RNF213: variants seen among roughly 807,000 people sequenced by gnomAD.
The protein encoded by RNF213 is E3 ubiquitin-protein ligase RNF213.
RNF213 carries 341 observed loss-of-function variants against 514.4 expected under a neutral mutation model. The observed-to-expected ratio is 0.66, with a 90% confidence interval of 0.61 to 0.73. The LOEUF (loss-of-function observed/expected upper bound fraction) is 0.73. Ranked by LOEUF, RNF213 falls within the 30% of genes least tolerant of loss-of-function variation. The probability of loss-of-function intolerance (pLI) is 0.00; values close to 1 mark genes in which losing one functional copy is unlikely to be tolerated. For synonymous variants in RNF213, 2,655 were observed against 2,658.2 expected (o/e 1.00, Z 0.04); for missense variants, 5,767 against 6,615.6 (o/e 0.87, Z 4.45).
chr17:80,365,082 C>A, intron 42 of RNF213: 1 of 189,640 alleles, frequency 5.3e-6, no homozygotes, highest in Admixed American at 5.3e-5. Flanking sequence ...ACCTGTGACC[C>A]TACAGTGATG....
At chr17:80,290,460 T>C (rs1332060779) in intron 6 of RNF213, 110 bp from the exon 7 acceptor site, 10 of 1,315,876 alleles carry the variant, frequency 7.6e-6, no homozygotes, top group East Asian at 2.3e-5. Flanking sequence ...TGCGAGTGCA[T>C]GTGTGTGTGC....
At chr17:80,364,748 C>T in intron 42 of RNF213, 195 bp downstream of exon 42, 1 of 634,636 alleles carries the variant, frequency 1.6e-6, no homozygotes, top group Non-Finnish European at 2.7e-6. Flanking sequence ...TTACCCTCTG[C>T]TGATTGCTAA....
In RNF213 at chr17:80,279,038, C is replaced by T. The variant is rs1043910561; in HGVS notation, c.261+5634C>T. ...GTCGAGGAAGGCTGCCCAGGATGGG[C>T]GTTTTCGGGTCACCCTTGGGCTGTG... is the stretch of plus-strand genomic sequence containing the variant. On this transcript the variant is annotated intron_variant, in intron 3 of 67. Coordinates refer to ENST00000582970, the MANE Select transcript of RNF213 (RefSeq NM_001256071.3). 71 of 1,241,468 alleles carry T rather than the reference C, an allele frequency of 5.7e-5. No individual in the cohort carries two copies. In the African/African-American group the frequency reaches 7.0e-4, roughly 12 times the overall value. The allele number at this position is 1,241,468 out of a possible 1,614,324, so 76.9% of individuals were successfully genotyped here.
rs1261786365 is a variant in RNF213 at position 80,363,710 on chromosome 17, C to T, written c.11670C>T (p.Ser3890=). 1.9e-6 allele frequency: 3 copies of T among 1,613,910 alleles called. No homozygotes were observed. The highest frequency in any genetic ancestry group is 1.7e-5 in the Admixed American group (1 of 60,022). Residue 3890 remains serine (S), a synonymous_variant, in exon 41 of 68, where the codon TCC becomes TCT. Transcript: ENST00000582970. ...GGCTACAGTTGGTGAAGAATCTTTC[C>T]ATGCCGCTGGAGCTCATCTGCTCCG... ...QAWLQLVKNL[S]MPLELICSDE...
Position 80,319,252 on chromosome 17 carries a change from G to C in RNF213, c.2964G>C (p.Glu988Asp). The stretch of plus-strand genomic sequence containing the variant: ...GTTGCTGGGACACCAAAGGCTTAGA[G>C]GACAGTGTGGCCAAGACCTTCGAGA... ...CNSCWDTKGLEDSVAKTFEKC... is the reference protein window; with the variant it reads ...CNSCWDTKGLDDSVAKTFEKC... The change falls in exon 17 of 68, where the codon GAG (glutamate) becomes GAC (aspartate). Residue 988 changes from glutamate (E) to aspartate (D), a missense_variant. Transcript: ENST00000582970. 6.2e-7 allele frequency: 1 copy of C among 1,614,190 alleles called. No homozygotes were observed. Among genetic ancestry groups the C allele is most frequent in the Admixed American group, 1.7e-5 (1 of 60,024 alleles).
Position 80,385,588 on chromosome 17 carries a change from T to G in RNF213, c.14506T>G (p.Trp4836Gly). 1 of 1,614,188 alleles carries G rather than the reference T, an allele frequency of 6.2e-7. No homozygotes were observed. Among genetic ancestry groups the G allele is most frequent in the East Asian group, 2.2e-5 (1 of 44,882 alleles). ...HNRITVFLST[W>G]NKLRRSLETN... ...CAGGATCACAGTCTTTCTGTCCACA[T>G]GGAACAAACTGAGGAGATCGCTTGA... The change falls in exon 61 of 68, where the codon TGG (tryptophan) becomes GGG (glycine). Residue 4836 changes from tryptophan to glycine, a missense_variant. Around this residue, in one of 13 missense-constraint regions of RNF213, gnomAD observed 1,245 missense variants for 1,339.0 expected, o/e 0.93. Transcript: ENST00000582970.
chr17:80,374,621 C>A, intron 50 of RNF213, 32 bp downstream of exon 50: 1 of 1,612,912 alleles, frequency 6.2e-7, no homozygotes, highest in Non-Finnish European at 8.5e-7. Context: ...TCTCTGATAC[C>A]AGGTGGCATC....
Position 80,339,875 on chromosome 17 carries a change from C to T in RNF213, c.5508C>T (p.Gly1836=). 1.3e-6 allele frequency: 2 copies of T among 1,537,038 alleles called. No homozygotes were observed. Among genetic ancestry groups the T allele is most frequent in the Non-Finnish European group, 1.7e-6 (2 of 1,146,884 alleles). ...QVGQPNLVVC[G]HSEVLPAALA... ...GCCAGCCCAACCTCGTCGTCTGTGG[C>T]CACTCCGAGGTGTTGCCAGCCGCCC... is the stretch of plus-strand genomic sequence containing the variant. Residue 1836 remains glycine, a synonymous_variant, in exon 26 of 68, where the codon GGC becomes GGT. Coordinates refer to ENST00000582970, the MANE Select transcript of RNF213 (RefSeq NM_001256071.3).
intron 11 of RNF213, among the ~76,000 whole-genome samples, chr17:80,301,083 TG>T (rs975398656): frequency 6.6e-6 from 1 of 152,226 alleles, no homozygotes; most frequent in African/African-American, 2.4e-5. Context: ...TCTCCCATTC[TG>T]TGGGTCATCT....
intron 8 of RNF213, 25 bp from the exon 9 acceptor site, chr17:80,294,695 C>T: frequency 1.2e-6 from 2 of 1,613,198 alleles, no homozygotes; most frequent in Non-Finnish European, 1.7e-6. Flanking sequence ...CTTAGGTAGG[C>T]TCTTGTTCCT....
At chr17:80,371,239 T>C (rs1427668025) in intron 46 of RNF213, among the ~76,000 whole-genome samples, 1 of 152,264 alleles carries the variant, frequency 6.6e-6, no homozygotes, top group Admixed American at 6.5e-5. Context: ...CCTCTAGACA[T>C]GACCATTTAT....
intron 57 of RNF213, chr17:80,381,942 G>A (rs1599195033): frequency 3.4e-6 from 2 of 586,196 alleles, no homozygotes. Flanking sequence ...CCAGAGGCTG[G>A]AAGGAGCTGC....
intron 3 of RNF213, among the ~76,000 whole-genome samples, chr17:80,287,295 A>G (rs899987944): frequency 3.9e-5 from 6 of 152,152 alleles, no homozygotes; most frequent in Non-Finnish European, 8.8e-5. Context: ...TGAGATTTCA[A>G]AACCAGCTTG....
chr17:80,381,314 C>T, intron 56 of RNF213: 1 of 612,790 alleles, frequency 1.6e-6, no homozygotes, highest in Non-Finnish European at 2.9e-6. Flanking sequence ...ACTGCATAAC[C>T]AAGATGGCCA....
In RNF213 at chr17:80,390,044, A is replaced by G. The variant is rs1236918450; in HGVS notation, c.15318A>G (p.Lys5106=). The G allele has an allele frequency of 3.7e-6, 6 of 1,614,100 alleles. No homozygotes were observed. Among genetic ancestry groups the G allele is most frequent in the Non-Finnish European group, 5.1e-6 (6 of 1,180,046 alleles). ...TTGGGGAAATCAGTTCAAGGTACAA[A>G]GCGGATCTGAGCCCGGAAAATGCTA... ...EPFGEISSRY[K]ADLSPENAKL... Residue 5106 remains lysine (K), a synonymous_variant, in exon 67 of 68, where the codon AAA becomes AAG. Transcript: ENST00000582970.
chr17:80,361,313 G>A (rs905042126), intron 38 of RNF213, among the ~76,000 whole-genome samples: 7 of 152,208 alleles, frequency 4.6e-5, no homozygotes, highest in African/African-American at 7.2e-5. Flanking sequence ...GAGGTCAGGA[G>A]TTCGAGACCA....
rs760834907 is a variant in RNF213, at chr17:80,332,646, G to C, written c.4143+15G>C. The C allele has an allele frequency of 6.8e-7, 1 of 1,467,102 alleles. No individual in the cohort carries two copies. The highest frequency in any genetic ancestry group is 1.4e-5 in the African/African-American group (1 of 70,738). 90.9% of individuals were successfully genotyped at this position (1,467,102 alleles called of 1,614,324 possible). A position where few individuals can be genotyped will look rare whatever the true frequency, so the allele number is the denominator to read the frequency against. On this transcript the variant is annotated intron_variant, in intron 21 of 67. Transcript: ENST00000582970. ...TACTAAATTTTGTAAGTTATTTGCTGGGGACTGTGGGGGTTTGGAGGGGCG... is the reference window on the plus strand; with the variant it reads ...TACTAAATTTTGTAAGTTATTTGCTCGGGACTGTGGGGGTTTGGAGGGGCG...
chr17:80,313,547 AATGGAGGTGATGGTGGTGATGGTGGTC>A (rs1438009441), intron 15 of RNF213, among the ~76,000 whole-genome samples: 3 of 104,968 alleles, frequency 2.9e-5, no homozygotes, highest in African/African-American at 4.0e-5. Flanking sequence ...TGGTGGACGT[AATGGAGGTGATGGTGGTGATGGTGGTC>A]ATGGAGGTGG....
chr17:80,297,681 G>C (rs559893923), intron 10 of RNF213, among the ~76,000 whole-genome samples: 18 of 151,644 alleles, frequency 1.2e-4, no homozygotes, highest in African/African-American at 1.7e-4. Flanking sequence ...CAGCTACTCG[G>C]GAGGCTGAGG....
Sources: gnomAD v4.1 joint callset for allele counts (sites outside exome capture counted in the v4.1 genomes callset) on GRCh38, gnomAD v4.1.1 for gene constraint, gnomAD v4.1.1 regional missense constraint, MANE v1.5 for transcripts, NCBI Gene and HGNC (gene_info 2026-07-23, HGNC 2026-07-21) for gene names.